Variants in FSHR observed in about 807,000 individuals in gnomAD.
The protein encoded by FSHR is follicle-stimulating hormone receptor.
FSHR carries 46 observed loss-of-function variants against 52.1 expected under a neutral mutation model. That is an observed-to-expected ratio of 0.88 (90% confidence interval 0.70 to 1.13). FSHR has a LOEUF of 1.13. Ranked by LOEUF, FSHR falls within the 50% of genes most tolerant of loss-of-function variation. FSHR has a pLI of 0.00. For synonymous variants in FSHR, 399 were observed against 309.6 expected (o/e 1.29, Z -3.03); for missense variants, 964 against 834.6 (o/e 1.16, Z -1.91).
chr2:49,093,545 C>G (rs906513846), intron 1 of FSHR, among the ~76,000 whole-genome samples: 1 of 151,232 alleles, frequency 6.6e-6, no homozygotes, highest in African/African-American at 2.4e-5. Flanking sequence ...ATGGCATAGT[C>G]TCTCTTTTTT....
At chr2:49,076,349 AAG>A (rs932226472) in intron 1 of FSHR, among the ~76,000 whole-genome samples, 28 of 152,340 alleles carry the variant, frequency 1.8e-4, no homozygotes, top group African/African-American at 6.5e-4. Context: ...CAGGCAAAGA[AAG>A]AGAGCTTGTG....
intron 2 of FSHR, among the ~76,000 whole-genome samples, chr2:49,046,746 T>C (rs1311537434): frequency 6.6e-6 from 1 of 152,194 alleles, no homozygotes; most frequent in Non-Finnish European, 1.5e-5. Flanking sequence ...TCAAGAAGAA[T>C]TTGTTGAATC....
chr2:49,039,601 C>T (rs949874847), intron 2 of FSHR, among the ~76,000 whole-genome samples: 1 of 152,176 alleles, frequency 6.6e-6, no homozygotes, highest in Non-Finnish European at 1.5e-5. Flanking sequence ...TGACATGTTC[C>T]TTGCAGACTT....
chr2:49,021,115 A>T (rs1374479360), intron 2 of FSHR, among the ~76,000 whole-genome samples: 1 of 152,124 alleles, frequency 6.6e-6, no homozygotes, highest in Non-Finnish European at 1.5e-5. Flanking sequence ...AAAATAATAA[A>T]ATAAAACATA....
intron 1 of FSHR, among the ~76,000 whole-genome samples, chr2:49,122,899 A>T (rs1375715784): frequency 1.3e-5 from 2 of 152,190 alleles, no homozygotes; most frequent in Non-Finnish European, 2.9e-5. Context: ...TTATTAAATG[A>T]AGGGTGTCTT....
intron 2 of FSHR, among the ~76,000 whole-genome samples, chr2:49,059,869 T>G (rs1339002473): frequency 1.3e-5 from 2 of 151,926 alleles, no homozygotes; most frequent in Non-Finnish European, 2.9e-5. Flanking sequence ...GGGGATTATA[T>G]CAAACCAAAA....
intron 2 of FSHR, among the ~76,000 whole-genome samples, chr2:49,057,796 A>T (rs1669120952): frequency 6.6e-6 from 1 of 152,190 alleles, no homozygotes; most frequent in Non-Finnish European, 1.5e-5. Flanking sequence ...ATCCAAAACC[A>T]ATAAGACATC....
At chr2:49,021,863 C>CTATATATATA (rs1224896244) in intron 2 of FSHR, among the ~76,000 whole-genome samples, 7 of 49,864 alleles carry the variant, frequency 1.4e-4, no homozygotes, top group Admixed American at 2.3e-4. Flanking sequence ...CTCTCTCTCT[C>CTATATATATA]TATATATATA....
At position 49,071,695 on chromosome 2, in the gene FSHR, G is replaced by A. The variant is rs112380282; in HGVS notation, c.153-3405C>T. Reference sequence around the variant, plus strand: ...AGTTTATTTCACTCATAGTTCTGCAGGCTGTACAAGAAACACGGCATCAGC... The same window carrying A: ...AGTTTATTTCACTCATAGTTCTGCAAGCTGTACAAGAAACACGGCATCAGC... On this transcript the variant is annotated intron_variant, in intron 1 of 9. Transcript: ENST00000406846. 6.8e-3 allele frequency among the ~76,000 whole-genome samples: 1,041 copies of A among 152,252 alleles called. 16 individuals are homozygous for A. Among genetic ancestry groups the A allele is most frequent in the Middle Eastern group, 0.034 (10 of 294 alleles).
At chr2:49,022,242 C>T (rs1429564265) in intron 2 of FSHR, among the ~76,000 whole-genome samples, 1 of 151,850 alleles carries the variant, frequency 6.6e-6, no homozygotes, top group East Asian at 2.0e-4. Flanking sequence ...TTGAGAATTC[C>T]CTTAACTGGA....
At chr2:49,032,778 C>G (rs549199288) in intron 2 of FSHR, among the ~76,000 whole-genome samples, 2 of 152,194 alleles carry the variant, frequency 1.3e-5, no homozygotes, top group African/African-American at 4.8e-5. Context: ...TTCCTTCAAG[C>G]ACGCAATGCA....
intron 6 of FSHR, among the ~76,000 whole-genome samples, chr2:48,988,650 G>A (rs1026791778): frequency 6.6e-6 from 1 of 152,146 alleles, no homozygotes; most frequent in African/African-American, 2.4e-5. Context: ...TTTTTCTTTG[G>A]GCAACAAAAG....
At chr2:49,004,099 G>T (rs749049694) in intron 4 of FSHR, among the ~76,000 whole-genome samples, 27 of 152,186 alleles carry the variant, frequency 1.8e-4, no homozygotes, top group Non-Finnish European at 3.4e-4. Context: ...CATTCTGTCT[G>T]TGCCCCAGGC....
At chr2:48,989,618 C>A (rs11889050) in intron 5 of FSHR, among the ~76,000 whole-genome samples, 31,414 of 152,044 alleles carry the variant, frequency 0.21, 4,632 homozygotes, top group African/African-American at 0.42. Flanking sequence ...AATAATTTCA[C>A]CCTAATGTAA....
chr2:49,013,493 T>A (rs1667361813), intron 4 of FSHR, among the ~76,000 whole-genome samples: 3 of 66,034 alleles, frequency 4.5e-5, no homozygotes, highest in Admixed American at 1.9e-4. Context: ...TAAATATATA[T>A]ATATATAAAT....
chr2:48,964,111 A>G, intron 9 of FSHR, 145 bp from the exon 10 acceptor site: 11 of 695,028 alleles, frequency 1.6e-5, no homozygotes, highest in South Asian at 3.6e-5. Flanking sequence ...CTTGAGGCTA[A>G]CCTCAAGGGT....
intron 2 of FSHR, among the ~76,000 whole-genome samples, chr2:49,047,028 A>G (rs1668687516): frequency 6.6e-6 from 1 of 151,496 alleles, no homozygotes; most frequent in South Asian, 2.1e-4. Context: ...TATTTGACTG[A>G]AGTCGATAAA....
At chr2:49,076,498 A>G (rs1669955436) in intron 1 of FSHR, among the ~76,000 whole-genome samples, 1 of 152,202 alleles carries the variant, frequency 6.6e-6, no homozygotes, top group Non-Finnish European at 1.5e-5. Flanking sequence ...GGAATTCAAG[A>G]TAAGAGTTGA....
In FSHR at chr2:49,154,330, A is replaced by G; in HGVS notation, c.88T>C (p.Phe30Leu). ...GTCACCTTGCTCTCTTGGCAGAGAA[A>G]AACCCTGTTAGAGCAGTGACAGATC... ...HRICHCSNRV[F>L]LCQESKVTEI... is the part of the protein sequence containing the mutation. Residue 30 changes from phenylalanine (F) to leucine (L), a missense_variant, in exon 1 of 10, where the codon TTT becomes CTT. Coordinates refer to ENST00000406846, the MANE Select transcript of FSHR (RefSeq NM_000145.4). 6.2e-7 allele frequency: 1 copy of G among 1,613,942 alleles called. No individual in the cohort carries two copies. The highest frequency in any genetic ancestry group is 8.5e-7 in the Non-Finnish European group (1 of 1,179,918).
Sources: gnomAD v4.1 joint callset for allele counts (sites outside exome capture counted in the v4.1 genomes callset) on GRCh38, gnomAD v4.1.1 for gene constraint, MANE v1.5 for transcripts, NCBI Gene and HGNC (gene_info 2026-07-23, HGNC 2026-07-21) for gene names.